MCM2: variants seen among roughly 807,000 people sequenced by gnomAD.
MCM2 encodes the protein minichromosome maintenance complex component 2.
Under a neutral mutation model 86.4 loss-of-function variants are expected in MCM2, and 49 were observed. The ratio of observed to expected loss-of-function variants is 0.57; its 90% confidence interval spans 0.45 to 0.72. MCM2 has a LOEUF of 0.72. Among genes scored for constraint, MCM2 ranks in the 30% least tolerant of loss-of-function variants. The pLI, the probability that MCM2 is intolerant of heterozygous loss-of-function variation, is 0.00. For missense variants in MCM2, 1,038 were observed against 1,259.9 expected, an observed-to-expected ratio of 0.82 and a Z score of 2.67; for synonymous variants, 475 against 484.6, an observed-to-expected ratio of 0.98 and a Z score of 0.26.
Position 127,604,619 on chromosome 3 carries a change from C to G in MCM2, c.248C>G (p.Ala83Gly). 1 of 1,613,084 alleles carries G rather than the reference C, an allele frequency of 6.2e-7. No individual in the cohort carries two copies. Among genetic ancestry groups the G allele is most frequent in the Non-Finnish European group, 8.5e-7 (1 of 1,179,908 alleles). Residue 83 changes from alanine to glycine, a missense_variant, in exon 3 of 16, where the codon GCC (alanine) becomes GGC (glycine). Around this residue, in one of 4 missense-constraint regions of MCM2, gnomAD observed 300 missense variants for 307.4 expected, o/e 0.98. Transcript: ENST00000265056. ...TGGTGCTCCCTCAGGGACTACCGCG[C>G]CATCCCAGAGCTGGACGCCTATGAG... ...IGDGMERDYR[A>G]IPELDAYEAE...
Position 127,608,478 on chromosome 3 carries a change from G to C in MCM2, c.1198G>C (p.Ala400Pro). ...CCGCTCCAAGGACGCCATTCTCCTC[G>C]CAGATCTGGTGGACAGCTGCAAGCC... ...LPRSKDAILL[A>P]DLVDSCKPGD... Residue 400 changes from alanine to proline, a missense_variant, in exon 7 of 16, where the codon GCA becomes CCA. This residue lies in a region of MCM2 where 399 missense variants were observed against 507.2 expected (regional missense o/e 0.79). Coordinates refer to ENST00000265056, the MANE Select transcript of MCM2 (RefSeq NM_004526.4). 1 of 1,614,186 alleles carries C rather than the reference G, an allele frequency of 6.2e-7. No individual in the cohort carries two copies. The highest frequency in any genetic ancestry group is 8.5e-7 in the Non-Finnish European group (1 of 1,180,034).
At position 127,615,897 on chromosome 3, in the gene MCM2, T is replaced by C. The variant is rs1439936552; in HGVS notation, c.1464T>C (p.His488=). The change falls in exon 9 of 16, where the codon CAT becomes CAC. Residue 488 remains histidine, a synonymous_variant. Transcript: ENST00000265056. ...GCATTGCTCCTTCCATCTATGGTCA[T>C]GAAGACATCAAGAGAGGCCTGGCTC... ...FASIAPSIYG[H]EDIKRGLALA... is the part of the protein sequence containing the mutation. 11 of 1,614,072 alleles carry C rather than the reference T, an allele frequency of 6.8e-6. No homozygotes were observed. Among genetic ancestry groups the C allele is most frequent in the Non-Finnish European group, 9.3e-6 (11 of 1,180,036 alleles).
Position 127,599,506 on chromosome 3 carries a change from A to G in MCM2, c.195A>G (p.Glu65=). 6.2e-7 allele frequency: 1 copy of G among 1,614,122 alleles called. No individual in the cohort carries two copies. Among genetic ancestry groups the G allele is most frequent in the Non-Finnish European group, 8.5e-7 (1 of 1,179,984 alleles). Reference sequence around the variant, plus strand: ...TAGGCACAGAGGGGCCCCTGGAGGAAGAAGAGGATGGAGAGGAGCTCATTG... The same window carrying G: ...TAGGCACAGAGGGGCCCCTGGAGGAGGAAGAGGATGGAGAGGAGCTCATTG... The part of the protein sequence containing the change: ...GLLGTEGPLE[E]EEDGEELIGD... The change falls in exon 2 of 16, where the codon GAA becomes GAG. Residue 65 remains glutamate (E), a synonymous_variant. Transcript: ENST00000265056.
intron 7 of MCM2, 41 bp from the exon 8 acceptor site, chr3:127,608,791 C>G: frequency 2.5e-6 from 4 of 1,603,340 alleles, no homozygotes; most frequent in Non-Finnish European, 3.4e-6. Flanking sequence ...GTGGGCACCC[C>G]TGGGTTAGGC....
Position 127,619,116 on chromosome 3 carries a change from T to G in MCM2, c.2103T>G (p.Ala701=). 1.2e-6 allele frequency: 2 copies of G among 1,613,406 alleles called. No individual in the cohort carries two copies. Among genetic ancestry groups the G allele is most frequent in the Non-Finnish European group, 1.7e-6 (2 of 1,179,820 alleles). The change falls in exon 13 of 16, where the codon GCT becomes GCG. Residue 701 remains alanine (A), a synonymous_variant. Transcript: ENST00000265056. ...AGGAGGGGCTGGCCAATGGCAGCGC[T>G]GCTGAGCCCGCCATGCCCAACACGT... The part of the protein sequence containing the change: ...KEEEGLANGS[A]AEPAMPNTYG...
Position 127,618,992 on chromosome 3 carries a change from C to T in MCM2, c.2014-35C>T, listed in dbSNP as rs2107695880. 6.5e-7 allele frequency: 1 copy of T among 1,542,852 alleles called. No individual in the cohort carries two copies. On this transcript the variant is annotated intron_variant, in intron 12 of 15. Transcript: ENST00000265056. This position sits in a 1 kb window ranked among gnomAD's most constrained non-coding sequence, Gnocchi z 4.0. ...TGACCTCCCCAAAGCCACGCACACC[C>T]ACAATCAGACCCACCCTCTCATGGC...
chr3:127,610,190 C>T (rs781735471), intron 8 of MCM2, among the ~76,000 whole-genome samples: 2 of 152,162 alleles, frequency 1.3e-5, no homozygotes, highest in Non-Finnish European at 1.5e-5. Flanking sequence ...CAGTTTAGTT[C>T]GCCCTTTAAC....
Position 127,598,481 on chromosome 3 carries a change from G to C in MCM2, c.6+9G>C, listed in dbSNP as rs2074274804. The stretch of plus-strand genomic sequence containing the variant: ...GTGGTACTGCTATGGCGGTGAGCGC[G>C]CTGGCGCGTGGCGGGCGGGCGCCGG... On this transcript the variant is annotated intron_variant, in intron 1 of 15. Coordinates refer to ENST00000265056, the MANE Select transcript of MCM2 (RefSeq NM_004526.4). The C allele has an allele frequency of 6.2e-7, 1 of 1,612,332 alleles. No homozygotes were observed. Among genetic ancestry groups the C allele is most frequent in the African/African-American group, 1.3e-5 (1 of 74,756 alleles).
At chr3:127,607,578 G>A (rs1315163955) in intron 6 of MCM2, among the ~76,000 whole-genome samples, 2 of 152,224 alleles carry the variant, frequency 1.3e-5, no homozygotes, top group African/African-American at 2.4e-5. Flanking sequence ...GATGCCAGCT[G>A]AGCCACGTCT....
chr3:127,606,825 AG>A lies in MCM2; in HGVS notation c.1101+10del. 1 of 1,613,890 alleles carries A rather than the reference AG, an allele frequency of 6.2e-7. No homozygotes were observed. The highest frequency in any genetic ancestry group is 8.5e-7 in the Non-Finnish European group (1 of 1,179,816). ...GAGGTCAACATGGAGGAGGTGAGAG[AG>A]GACACAAGGTCTGCTGCCAGCTGTC... On this transcript the variant is annotated intron_variant, in intron 6 of 15. Transcript: ENST00000265056. The surrounding 1 kb of genome is among the most constrained non-coding windows in gnomAD (Gnocchi z 4.2).
In MCM2 at chr3:127,599,315, C is replaced by T; in HGVS notation, c.7-3C>T. 1.2e-6 allele frequency: 2 copies of T among 1,613,446 alleles called. No individual in the cohort carries two copies. The highest frequency in any genetic ancestry group is 1.7e-6 in the Non-Finnish European group (2 of 1,179,432). On this transcript the variant is annotated splice_polypyrimidine_tract_variant and splice_region_variant and intron_variant, in intron 1 of 15. Coordinates refer to ENST00000265056, the MANE Select transcript of MCM2 (RefSeq NM_004526.4). ...TTTCTGACAACCGCACCTTCTCTTG[C>T]AGGAATCATCGGAATCCTTCACCAT...
In MCM2 at chr3:127,608,998, C is replaced by T; in HGVS notation, c.1403C>T (p.Ser468Phe). The part of the protein sequence containing the change: ...DEDVKMITSL[S>F]KDQQIGEKIF... ...GATGTGAAGATGATCACTAGCCTCT[C>T]CAAGGATCAGCAGATCGGAGAGAAG... Residue 468 changes from serine to phenylalanine, a missense_variant, in exon 8 of 16, where the codon TCC (serine) becomes TTC (phenylalanine). Transcript: ENST00000265056. 1.2e-6 allele frequency: 2 copies of T among 1,614,102 alleles called. No homozygotes were observed. The highest frequency in any genetic ancestry group is 2.2e-5 in the East Asian group (1 of 44,884).
chr3:127,617,724 C>T lies in MCM2; in HGVS notation c.1901-245C>T. On this transcript the variant is annotated intron_variant, in intron 11 of 15. Coordinates refer to ENST00000265056, the MANE Select transcript of MCM2 (RefSeq NM_004526.4). This position sits in a 1 kb window ranked among gnomAD's most constrained non-coding sequence, Gnocchi z 4.1. ...GCGAATGCGTAAAAGAACCCAGGCT[C>T]TGTCACCCACTGTGTTCTTGGTTTT... is the stretch of plus-strand genomic sequence containing the variant. 1 of 587,820 alleles carries T rather than the reference C, an allele frequency of 1.7e-6. No homozygotes were observed. Among genetic ancestry groups the T allele is most frequent in the Non-Finnish European group, 3.0e-6 (1 of 330,246 alleles). The allele number at this position is 587,820 out of a possible 1,614,324, so 36.4% of individuals were successfully genotyped here. A position where few individuals can be genotyped will look rare whatever the true frequency, so the allele number is the denominator to read the frequency against.
At chr3:127,598,946 A>G (rs1417442751) in intron 1 of MCM2, 1 of 357,614 alleles carries the variant, frequency 2.8e-6, no homozygotes, top group Non-Finnish European at 5.1e-6. Flanking sequence ...TCTCTATCAC[A>G]ATACCTTGCG....
Position 127,606,136 on chromosome 3 carries a change from T to G in MCM2, c.692T>G (p.Val231Gly), listed in dbSNP as rs755982652. Residue 231 changes from valine (V) to glycine (G), a missense_variant, in exon 5 of 16, where the codon GTG becomes GGG. Val to Gly is a moderately radical substitution (Grantham distance 109). Around this residue, in one of 4 missense-constraint regions of MCM2, gnomAD observed 399 missense variants for 507.2 expected, o/e 0.79. Transcript: ENST00000265056. The surrounding 1 kb of genome is among the most constrained non-coding windows in gnomAD (Gnocchi z 4.2). The stretch of plus-strand genomic sequence containing the variant: ...CTTCTAGAGAACCGTGAGAGCCTGG[T>G]GGTGAACTATGAGGACTTGGCAGCC... The part of the protein sequence containing the change: ...DMCKENRESL[V>G]VNYEDLAARE... 6.2e-6 allele frequency: 10 copies of G among 1,614,122 alleles called. No homozygotes were observed. The highest frequency in any genetic ancestry group is 7.6e-6 in the Non-Finnish European group (9 of 1,179,990).
Position 127,604,878 on chromosome 3 carries a change from T to G in MCM2, c.413-18T>G, listed in dbSNP as rs752966716. 6 of 1,599,500 alleles carry G rather than the reference T, an allele frequency of 3.8e-6. No homozygotes were observed. In the South Asian group the frequency reaches 6.7e-5, roughly 18 times the overall value. ...TGCTGGGGATGACCGCAGTAGCAGG[T>G]GTCTCTTGCCTCCCCAGACAGCGAT... On this transcript the variant is annotated intron_variant, in intron 3 of 15. Transcript: ENST00000265056.
chr3:127,599,060 C>T, intron 1 of MCM2: 1 of 555,606 alleles, frequency 1.8e-6, no homozygotes, highest in Middle Eastern at 4.8e-4. Context: ...ATGGAGAAAG[C>T]ACGGTGATGT....
At chr3:127,612,473 A>G (rs1037173285) in intron 8 of MCM2, among the ~76,000 whole-genome samples, 8 of 152,226 alleles carry the variant, frequency 5.3e-5, no homozygotes, top group African/African-American at 1.9e-4. Context: ...TAGTGCATAT[A>G]AAGTACTTGG....
At chr3:127,613,805 T>C (rs1370638094) in intron 8 of MCM2, among the ~76,000 whole-genome samples, 1 of 152,186 alleles carries the variant, frequency 6.6e-6, no homozygotes, top group Non-Finnish European at 1.5e-5. Context: ...TGAACAGAAA[T>C]TTATTGACTT....
Sources: gnomAD v4.1 joint callset for allele counts (sites outside exome capture counted in the v4.1 genomes callset) on GRCh38, gnomAD v4.1.1 for gene constraint, gnomAD v4.1.1 regional missense constraint, Gnocchi (gnomAD v3.1) non-coding constraint, MANE v1.5 for transcripts, NCBI Gene and HGNC (gene_info 2026-07-23, HGNC 2026-07-21) for gene names.